Variants in CLIC5 observed in about 807,000 individuals in gnomAD.
CLIC5 encodes the protein CLIC family member 5.
Under a neutral mutation model 24.7 loss-of-function variants are expected in CLIC5, and 20 were observed. The ratio of observed to expected loss-of-function variants is 0.81; its 90% CI spans 0.57 to 1.18. The LOEUF (loss-of-function observed/expected upper bound fraction) is 1.18, where lower values mean the gene tolerates loss of function less well. Ranked by LOEUF, CLIC5 falls within the 50% of genes most tolerant of loss-of-function variation. The probability of loss-of-function intolerance (pLI) is 0.00; values close to 1 mark genes in which losing one functional copy is unlikely to be tolerated. For synonymous variants in CLIC5, 159 were observed against 135.6 expected (o/e 1.17, Z -1.20); for missense variants, 341 against 326.1 (o/e 1.05, Z -0.35).
chr6:46,075,507 C>T lies in CLIC5; in HGVS notation c.540+4196G>A, dbSNP rs1762742204. Among the ~76,000 whole-genome samples, 6 of 152,234 alleles carry T rather than the reference C, an allele frequency of 3.9e-5. No individual in the cohort carries two copies. The South Asian group carries it at 1.2e-3, about 32-fold the overall frequency. On this transcript the variant is annotated intron_variant, in intron 1 of 5. Transcript: ENST00000185206. ...GGCTGAGGCGGGAGAATGGCTTGAG[C>T]CCAGGAGATTGAGGCTGCAATGAGC...
chr6:46,121,014 A>G, the CLIC5 span, among the ~76,000 whole-genome samples: 1 of 152,212 alleles, frequency 6.6e-6, no homozygotes, highest in Non-Finnish European at 1.5e-5. Context: ...TCTGCAGGAT[A>G]TTATCCAGGA....
chr6:46,071,396 A>G (rs1418359875), intron 1 of CLIC5, among the ~76,000 whole-genome samples: 2 of 152,142 alleles, frequency 1.3e-5, no homozygotes, highest in Admixed American at 6.5e-5. Flanking sequence ...CAAATTTACA[A>G]GAAAAAAACA....
At chr6:46,007,259 A>T (rs1766619282) in intron 1 of CLIC5, among the ~76,000 whole-genome samples, 2 of 152,230 alleles carry the variant, frequency 1.3e-5, no homozygotes, top group African/African-American at 4.8e-5. Context: ...TTAAAAGGAA[A>T]CTTAAAGCTC....
intron 6 of CLIC5, among the ~76,000 whole-genome samples, chr6:45,889,306 T>A (rs528050226): frequency 6.6e-6 from 1 of 152,238 alleles, no homozygotes; most frequent in Admixed American, 6.5e-5. Context: ...TGTCTTTTTT[T>A]ATAAGGGCAT....
At chr6:46,074,629 T>C (rs1762717488) in intron 1 of CLIC5, among the ~76,000 whole-genome samples, 2 of 152,240 alleles carry the variant, frequency 1.3e-5, no homozygotes, top group African/African-American at 4.8e-5. Flanking sequence ...CTGCAGATAC[T>C]TTCCAAGGGA....
intron 4 of CLIC5, chr6:45,920,285 A>T (rs3822881): frequency 0.31 from 297,247 of 971,008 alleles, 47,935 homozygotes; most frequent in East Asian, 0.47. Flanking sequence ...CTCTGCCTGT[A>T]CTAGGGGCCA....
chr6:46,087,395 C>T, the CLIC5 span, among the ~76,000 whole-genome samples: 1 of 152,164 alleles, frequency 6.6e-6, no homozygotes, highest in Non-Finnish European at 1.5e-5. Context: ...ACCACCATTA[C>T]ACCAAAACAA....
intron 4 of CLIC5, among the ~76,000 whole-genome samples, chr6:45,916,110 T>G (rs1336736069): frequency 6.6e-6 from 1 of 152,194 alleles, no homozygotes; most frequent in African/African-American, 2.4e-5. Flanking sequence ...GCCTTTTGTT[T>G]GAGACAATGG....
chr6:45,903,180 A>G lies in CLIC5; in HGVS notation c.664T>C (p.Tyr222His). The change falls in exon 6 of 6, where the codon TAT becomes CAT. Residue 222 changes from tyrosine (Y) to histidine (H), a missense_variant. Coordinates refer to ENST00000339561, the MANE Select transcript of CLIC5 (RefSeq NM_016929.5). ...GTGTTGGTGAACTCATCACGGGCAT[A>G]GGCGTTCTTGAGGTACCGCCACAGG... Reference protein sequence around the residue: ...TGLWRYLKNAYARDEFTNTCA... With the variant: ...TGLWRYLKNAHARDEFTNTCA... 1 of 1,613,970 alleles carries G rather than the reference A, an allele frequency of 6.2e-7. No homozygotes were observed.
upstream of CLIC5, among the ~76,000 whole-genome samples, chr6:46,020,113 A>G (rs1398507252): frequency 6.6e-6 from 1 of 152,176 alleles, no homozygotes; most frequent in African/African-American, 2.4e-5. Context: ...CCACCCAAAC[A>G]ACAACATAAT....
At chr6:46,044,491 T>C (rs1161046054) in intron 1 of CLIC5, among the ~76,000 whole-genome samples, 1 of 152,174 alleles carries the variant, frequency 6.6e-6, no homozygotes, top group East Asian at 1.9e-4. Flanking sequence ...TTGGAAATTT[T>C]GCACTGTGGA....
intron 4 of CLIC5, among the ~76,000 whole-genome samples, chr6:45,930,803 T>C (rs1374636255): frequency 2.0e-5 from 3 of 152,194 alleles, no homozygotes; most frequent in African/African-American, 7.2e-5. Flanking sequence ...TTTATATGCA[T>C]TAATTCATCT....
intron 1 of CLIC5, among the ~76,000 whole-genome samples, chr6:46,044,990 T>A (rs1767915889): frequency 6.6e-6 from 1 of 152,166 alleles, no homozygotes; most frequent in African/African-American, 2.4e-5. Context: ...GCGGCTGGCA[T>A]CTAGCATGCT....
At chr6:46,028,930 T>A (rs73738340) in intron 1 of CLIC5, among the ~76,000 whole-genome samples, 8,268 of 152,160 alleles carry the variant, frequency 0.054, 300 homozygotes, top group East Asian at 0.098. Context: ...TATGGAGTAT[T>A]TTCACCGCCC....
the CLIC5 span, among the ~76,000 whole-genome samples, chr6:46,104,129 T>C: frequency 1.3e-5 from 2 of 152,194 alleles, no homozygotes; most frequent in South Asian, 4.1e-4. Context: ...ACAACTCTGG[T>C]GTACTTTTTG....
chr6:45,894,203 T>G (rs1486586824), downstream of CLIC5, among the ~76,000 whole-genome samples: 1 of 152,228 alleles, frequency 6.6e-6, no homozygotes, highest in East Asian at 1.9e-4. Flanking sequence ...ATCTCAATAC[T>G]GGTGATGATG....
At chr6:45,979,922 T>A (rs954412954) in intron 1 of CLIC5, among the ~76,000 whole-genome samples, 6 of 150,992 alleles carry the variant, frequency 4.0e-5, no homozygotes, top group African/African-American at 9.7e-5. Context: ...TTTTTATTTC[T>A]GTTGCAATTG....
chr6:45,891,793 A>G (rs568321905), intron 6 of CLIC5, among the ~76,000 whole-genome samples: 22 of 152,252 alleles, frequency 1.4e-4, no homozygotes, highest in Admixed American at 1.0e-3. Flanking sequence ...TTTTTATTGC[A>G]ATGACTTTTG....
At chr6:46,031,690 C>CT (rs1389214744) in intron 1 of CLIC5, among the ~76,000 whole-genome samples, 1 of 151,262 alleles carries the variant, frequency 6.6e-6, no homozygotes, top group Admixed American at 6.6e-5. Context: ...ACTAAATGTC[C>CT]TTTTAGTAGG....
Sources: gnomAD v4.1 joint callset for allele counts (sites outside exome capture counted in the v4.1 genomes callset) on GRCh38, gnomAD v4.1.1 for gene constraint, MANE v1.5 for transcripts, NCBI Gene and HGNC (gene_info 2026-07-23, HGNC 2026-07-21) for gene names.